The following H2AJ variants were observed in gnomAD, a reference collection of about 807,000 sequenced individuals.
H2AJ encodes the protein histone H2A.J.
H2AJ carries 3 observed loss-of-function variants against 7.9 expected under a neutral mutation model. That is an observed-to-expected ratio of 0.38 (90% CI 0.17 to 0.98). The LOEUF is 0.98. Ranked by LOEUF, H2AJ falls within the 50% of genes least tolerant of loss-of-function variation. H2AJ has a pLI of 0.39. For missense variants in H2AJ, 128 were observed against 174.4 expected (o/e 0.73, Z 1.50); for synonymous variants, 98 against 85.7 (o/e 1.14, Z -0.79).
Position 14,774,829 on chromosome 12 carries a change from A to C in H2AJ, c.359A>C (p.Lys120Thr). The C allele has an allele frequency of 6.2e-7, 1 of 1,614,208 alleles. No individual in the cohort carries two copies. Among genetic ancestry groups the C allele is most frequent in the South Asian group, 1.1e-5 (1 of 91,090 alleles). The change falls in exon 1 of 1, where the codon AAG becomes ACG. Residue 120 changes from lysine (K) to threonine (T), a missense_variant. Lys to Thr is a moderately conservative substitution (Grantham distance 78, BLOSUM62 -1). Transcript: ENST00000544848. ...PNIQAVLLPK[K>T]TESQKTKSK is the part of the protein sequence containing the mutation. ...ATCCAGGCCGTGCTGCTGCCCAAGA[A>C]GACGGAGAGTCAGAAGACGAAGAGC...
downstream of H2AJ, chr12:14,775,280 C>A (rs753770918): frequency 1.1e-5 from 5 of 474,000 alleles, no homozygotes; most frequent in South Asian, 7.7e-5. Context: ...ATTTTTACTT[C>A]CCTTTCACAG....
downstream of H2AJ, chr12:14,777,349 C>T (rs1949654742): frequency 6.0e-6 from 1 of 167,052 alleles, no homozygotes; most frequent in Non-Finnish European, 1.5e-5. Context: ...CACACACACA[C>T]TCTTTCCTGC....
At position 14,774,750 on chromosome 12, in the gene H2AJ, T is replaced by C. The variant is rs1326433699; in HGVS notation, c.280T>C (p.Leu94=). 1 of 1,613,870 alleles carries C rather than the reference T, an allele frequency of 6.2e-7. No homozygotes were observed. The highest frequency in any genetic ancestry group is 2.2e-5 in the East Asian group (1 of 44,860). ...LQLAIRNDEE[L]NKLLGKVTIA... ...GCTCGCCATCCGCAACGACGAGGAGTTAAACAAGCTGCTGGGCAAAGTGAC... is the reference window on the plus strand; with the variant it reads ...GCTCGCCATCCGCAACGACGAGGAGCTAAACAAGCTGCTGGGCAAAGTGAC... Residue 94 remains leucine (L), a synonymous_variant, in exon 1 of 1, where the codon TTA becomes CTA. Transcript: ENST00000544848.
downstream of H2AJ, chr12:14,776,607 G>A (rs1949644481): frequency 6.0e-6 from 1 of 167,080 alleles, no homozygotes; most frequent in Admixed American, 6.5e-5. Context: ...TTTACTGTGT[G>A]CCACATATTA....
chr12:14,776,249 G>A (rs1482170795), downstream of H2AJ: 2 of 167,078 alleles, frequency 1.2e-5, no homozygotes, highest in African/African-American at 4.8e-5. Context: ...TCTATGCCAG[G>A]CTCTGTACAA....
Position 14,774,832 on chromosome 12 carries a change from C to A in H2AJ, c.362C>A (p.Thr121Lys), listed in dbSNP as rs751110555. ...NIQAVLLPKKTESQKTKSK is the reference protein window; with the variant it reads ...NIQAVLLPKKKESQKTKSK ...CAGGCCGTGCTGCTGCCCAAGAAGA[C>A]GGAGAGTCAGAAGACGAAGAGCAAA... Residue 121 changes from threonine to lysine, a missense_variant, in exon 1 of 1, where the codon ACG becomes AAG. Thr to Lys is a moderately conservative substitution (Grantham distance 78). Transcript: ENST00000544848. 12 of 1,614,078 alleles carry A rather than the reference C, an allele frequency of 7.4e-6. No individual in the cohort carries two copies. The highest frequency in any genetic ancestry group is 6.7e-5 in the East Asian group (3 of 44,880).
rs1292721020 is a variant in H2AJ at position 14,774,858 on chromosome 12, T to C, written c.388T>C (p.Ter130ArgextTer2). The change falls in exon 1 of 1, where the codon TGA becomes CGA. Residue 130 changes from the stop codon to arginine, a stop_lost. Coordinates refer to ENST00000544848, the MANE Select transcript of H2AJ (RefSeq NM_177925.5). ...KTESQKTKSK[*>R] Reference sequence around the variant, plus strand: ...GGAGAGTCAGAAGACGAAGAGCAAATGACCCTGACGCCGCCCTCAGGGAGC... The same window carrying C: ...GGAGAGTCAGAAGACGAAGAGCAAACGACCCTGACGCCGCCCTCAGGGAGC... 2 of 1,613,554 alleles carry C rather than the reference T, an allele frequency of 1.2e-6. No homozygotes were observed. The highest frequency in any genetic ancestry group is 1.7e-6 in the Non-Finnish European group (2 of 1,179,720).
Position 14,775,009 on chromosome 12 carries a change from A to C in H2AJ, c.*149A>C. 1.1e-6 allele frequency: 1 copy of C among 910,266 alleles called. No homozygotes were observed. Among genetic ancestry groups the C allele is most frequent in the Non-Finnish European group, 1.7e-6 (1 of 604,514 alleles). The allele number at this position is 910,266 out of a possible 1,614,324, so 56.4% of individuals were successfully genotyped here. A position where few individuals can be genotyped will look rare whatever the true frequency, so the allele number is the denominator to read the frequency against. On this transcript the variant is annotated 3_prime_UTR_variant, in exon 1 of 1. Coordinates refer to ENST00000544848, the MANE Select transcript of H2AJ (RefSeq NM_177925.5). ...GCGAGGGTCCCGGCGGGAGCCAATA[A>C]AGTTGGTGAAAATCGTTTGGTCGAG...
chr12:14,775,023 C>A lies in H2AJ; in HGVS notation c.*163C>A, dbSNP rs1949615467. 2 of 843,658 alleles carry A rather than the reference C, an allele frequency of 2.4e-6. No individual in the cohort carries two copies. Among genetic ancestry groups the A allele is most frequent in the East Asian group, 2.7e-5 (1 of 37,356 alleles). 52.3% of individuals were successfully genotyped at this position (843,658 alleles called of 1,614,324 possible). On this transcript the variant is annotated 3_prime_UTR_variant, in exon 1 of 1. Transcript: ENST00000544848. ...GGGAGCCAATAAAGTTGGTGAAAAT[C>A]GTTTGGTCGAGAGAGCTGTGTAGTC...
chr12:14,777,344 A>T (rs1019953553), downstream of H2AJ: 3 of 166,782 alleles, frequency 1.8e-5, no homozygotes, highest in African/African-American at 7.2e-5. Context: ...ACACACACAC[A>T]CACACTCTTT....
Position 14,774,415 on chromosome 12 carries a change from A to G in H2AJ, c.-56A>G. 3 of 1,520,996 alleles carry G rather than the reference A, an allele frequency of 2.0e-6. No individual in the cohort carries two copies. Among genetic ancestry groups the G allele is most frequent in the Non-Finnish European group, 2.6e-6 (3 of 1,136,514 alleles). 94.2% of individuals were successfully genotyped at this position (1,520,996 alleles called of 1,614,324 possible). Reference sequence around the variant, plus strand: ...CGGGTGCGGTACGTTGCATTCCGGTACCGGACGCCGAGAGCGGTTTGTCTC... The same window carrying G: ...CGGGTGCGGTACGTTGCATTCCGGTGCCGGACGCCGAGAGCGGTTTGTCTC... On this transcript the variant is annotated 5_prime_UTR_variant, in exon 1 of 1. Coordinates refer to ENST00000544848, the MANE Select transcript of H2AJ (RefSeq NM_177925.5).
At chr12:14,776,061 A>C (rs1949635816), downstream of H2AJ, 1 of 167,198 alleles carries the variant, frequency 6.0e-6, no homozygotes, top group Non-Finnish European at 1.5e-5. Context: ...TGGCTCACAG[A>C]CCCCACAAAA....
chr12:14,775,337 G>T (rs1306157102), downstream of H2AJ: 1 of 471,496 alleles, frequency 2.1e-6, no homozygotes, highest in Non-Finnish European at 4.4e-6. Context: ...ACCAAGTTCT[G>T]GGAAGATACC....
chr12:14,774,998 G>A lies in H2AJ; in HGVS notation c.*138G>A. On this transcript the variant is annotated 3_prime_UTR_variant, in exon 1 of 1. Transcript: ENST00000544848. ...GGAGGTGGGCGGCGAGGGTCCCGGC[G>A]GGAGCCAATAAAGTTGGTGAAAATC... is the stretch of plus-strand genomic sequence containing the variant. 1 of 993,992 alleles carries A rather than the reference G, an allele frequency of 1.0e-6. No individual in the cohort carries two copies. The highest frequency in any genetic ancestry group is 1.6e-5 in the African/African-American group (1 of 61,018). 61.6% of individuals were successfully genotyped at this position (993,992 alleles called of 1,614,324 possible).
chr12:14,774,581 A>T lies in H2AJ; in HGVS notation c.111A>T (p.Lys37Asn), dbSNP rs756842848. 6.2e-6 allele frequency: 10 copies of T among 1,613,924 alleles called. No homozygotes were observed. In the South Asian group the frequency reaches 1.1e-4, roughly 18 times the overall value. ...GCCGAGTGCACAGACTGCTGCGCAAAGGGAACTACGCGGAGCGAGTGGGCG... is the reference window on the plus strand; with the variant it reads ...GCCGAGTGCACAGACTGCTGCGCAATGGGAACTACGCGGAGCGAGTGGGCG... ...PVGRVHRLLR[K>N]GNYAERVGAG... The change falls in exon 1 of 1, where the codon AAA (lysine) becomes AAT (asparagine). Residue 37 changes from lysine to asparagine, a missense_variant. By Grantham distance (94) the Lys-to-Asn change is moderately conservative. Coordinates refer to ENST00000544848, the MANE Select transcript of H2AJ (RefSeq NM_177925.5).
downstream of H2AJ, chr12:14,776,520 A>G (rs548362901): frequency 3.6e-5 from 6 of 167,156 alleles, no homozygotes; most frequent in South Asian, 1.2e-3. Context: ...GGCAGGTTCG[A>G]GATGTTCTGC....
At chr12:14,775,594 C>G (rs1949628795), downstream of H2AJ, 1 of 369,716 alleles carries the variant, frequency 2.7e-6, no homozygotes, top group Admixed American at 3.7e-5. Context: ...GAAATTCGTT[C>G]CCCTGACAGT....
At chr12:14,776,789 T>C (rs976487762), downstream of H2AJ, 1 of 167,098 alleles carries the variant, frequency 6.0e-6, no homozygotes, top group Non-Finnish European at 1.5e-5. Context: ...GGTTTTGACA[T>C]TTGAGTCTAA....
chr12:14,777,693 A>G (rs1426031039), downstream of H2AJ: 4 of 167,112 alleles, frequency 2.4e-5, no homozygotes, highest in Non-Finnish European at 4.4e-5. Context: ...CCTCAGTTTC[A>G]TCTCTAAAAT....
Sources: allele counts gnomAD v4.1 joint callset, GRCh38; gene constraint gnomAD v4.1.1; transcripts MANE v1.5; gene names NCBI Gene and HGNC (gene_info 2026-07-23, HGNC 2026-07-21).